OR6N1: variants seen among roughly 807,000 people sequenced by gnomAD.
The protein encoded by OR6N1 is olfactory receptor 6N1.
For synonymous variants in OR6N1, 170 were observed against 150.7 expected (o/e 1.13, Z -0.94); for missense variants, 394 against 371.7 (o/e 1.06, Z -0.49).
chr1:158,788,018 A>G, the OR6N1 span, among the ~76,000 whole-genome samples: 8 of 152,336 alleles, frequency 5.3e-5, no homozygotes, highest in African/African-American at 1.9e-4. Context: ...GGAAATGCTA[A>G]GCCTCCTTTT....
upstream of OR6N1, chr1:158,774,077 G>A (rs1459877975): frequency 6.6e-6 from 1 of 152,136 alleles, no homozygotes; most frequent in Non-Finnish European, 1.5e-5. Flanking sequence ...ACTTCAGCAC[G>A]TAACTGCCTG....
the OR6N1 span, among the ~76,000 whole-genome samples, chr1:158,795,174 G>A: frequency 2.6e-5 from 4 of 152,158 alleles, no homozygotes; most frequent in South Asian, 2.1e-4. Flanking sequence ...AAACAGGCAG[G>A]GGGGTGTAGT....
At chr1:158,819,806 A>C in the OR6N1 span, among the ~76,000 whole-genome samples, 1 of 152,328 alleles carries the variant, frequency 6.6e-6, no homozygotes, top group East Asian at 1.9e-4. Context: ...ACTAAAAGAC[A>C]AAACCACAAG....
the OR6N1 span, among the ~76,000 whole-genome samples, chr1:158,816,163 A>G: frequency 6.6e-6 from 1 of 151,908 alleles, no homozygotes; most frequent in Admixed American, 6.6e-5. Flanking sequence ...ATCTCAAAAA[A>G]AAAAAAAAAG....
chr1:158,794,945 G>A, the OR6N1 span, among the ~76,000 whole-genome samples: 1 of 152,146 alleles, frequency 6.6e-6, no homozygotes, highest in African/African-American at 2.4e-5. Flanking sequence ...ATTGGTGGGT[G>A]TCCCAAAGCT....
At chr1:158,832,336 T>C in the OR6N1 span, among the ~76,000 whole-genome samples, 1 of 151,876 alleles carries the variant, frequency 6.6e-6, no homozygotes, top group Admixed American at 6.5e-5. Flanking sequence ...TAAGATAAAG[T>C]TTCTTAAGTA....
the OR6N1 span, chr1:158,777,693 C>A: frequency 2.7e-6 from 3 of 1,130,732 alleles, no homozygotes; most frequent in Non-Finnish European, 3.8e-6. Flanking sequence ...ACTGCTGAAT[C>A]CATGCCAAAA....
chr1:158,783,920 C>A, the OR6N1 span, among the ~76,000 whole-genome samples: 2 of 152,240 alleles, frequency 1.3e-5, no homozygotes, highest in Middle Eastern at 3.4e-3. Flanking sequence ...TCCTGGCTAA[C>A]AAGGTGAAAA....
At chr1:158,767,328 T>A (rs1425799383) in intron 1 of OR6N1, among the ~76,000 whole-genome samples, 1 of 151,958 alleles carries the variant, frequency 6.6e-6, no homozygotes, top group African/African-American at 2.4e-5. Flanking sequence ...AAGGTTAGAG[T>A]AAATAAAAAA....
the OR6N1 span, among the ~76,000 whole-genome samples, chr1:158,781,584 C>T: frequency 6.6e-6 from 1 of 152,242 alleles, no homozygotes; most frequent in African/African-American, 2.4e-5. Context: ...CATGCACTCT[C>T]ACATTTCTTG....
chr1:158,821,956 G>T, the OR6N1 span, among the ~76,000 whole-genome samples: 2 of 152,102 alleles, frequency 1.3e-5, no homozygotes, highest in Non-Finnish European at 2.9e-5. Context: ...TCAGCATTTT[G>T]GATTTTAGCT....
At position 158,768,622 on chromosome 1, in the gene OR6N1, C is replaced by T. The variant is rs857830; in HGVS notation, c.-18-1922G>A. On this transcript the variant is annotated intron_variant, in intron 1 of 1. Transcript: ENST00000641846. Reference sequence around the variant, plus strand: ...CTGTTAAATTCTAAATTAGGTTCTGCGTTTCCATCGATCAAATGTGTTCAG... The same window carrying T: ...CTGTTAAATTCTAAATTAGGTTCTGTGTTTCCATCGATCAAATGTGTTCAG... Among the ~76,000 whole-genome samples the T allele has an allele frequency of 7.2e-3, 1,102 of 152,334 alleles. 8 individuals carry two copies. The highest frequency in any genetic ancestry group is 0.01 in the South Asian group (50 of 4,828).
At chr1:158,770,817 C>T (rs1407730110) in intron 1 of OR6N1, among the ~76,000 whole-genome samples, 1 of 152,206 alleles carries the variant, frequency 6.6e-6, no homozygotes. Flanking sequence ...GGCATCAACC[C>T]TCTGCCTGGA....
chr1:158,820,769 A>G, the OR6N1 span, among the ~76,000 whole-genome samples: 1 of 152,188 alleles, frequency 6.6e-6, no homozygotes, highest in African/African-American at 2.4e-5. Flanking sequence ...ACTTCCCTAG[A>G]GTCAATTCTC....
At chr1:158,802,774 G>C in the OR6N1 span, among the ~76,000 whole-genome samples, 239 of 152,212 alleles carry the variant, frequency 1.6e-3, 1 homozygote, top group Middle Eastern at 6.8e-3. Context: ...TCCATCACCA[G>C]TATTATTACC....
At chr1:158,819,746 C>T in the OR6N1 span, among the ~76,000 whole-genome samples, 6 of 152,192 alleles carry the variant, frequency 3.9e-5, no homozygotes, top group African/African-American at 1.2e-4. Context: ...TATCTGCACA[C>T]CCATCCACAT....
At chr1:158,772,933 T>G (rs2102011522), upstream of OR6N1, among the ~76,000 whole-genome samples, 1 of 152,320 alleles carries the variant, frequency 6.6e-6, no homozygotes, top group Non-Finnish European at 1.5e-5. Context: ...TGCATACATG[T>G]ATCAAAACAT....
the OR6N1 span, chr1:158,777,347 A>G: frequency 2.2e-5 from 36 of 1,614,238 alleles, no homozygotes; most frequent in African/African-American, 3.7e-4. Flanking sequence ...TGAAGGAGGC[A>G]TCCTGCAAAA....
the OR6N1 span, among the ~76,000 whole-genome samples, chr1:158,813,666 T>C: frequency 6.6e-6 from 1 of 151,670 alleles, no homozygotes; most frequent in Admixed American, 6.6e-5. Flanking sequence ...TTATGGATTA[T>C]TTTGATTTTT....
Sources: gnomAD v4.1 joint callset for allele counts (sites outside exome capture counted in the v4.1 genomes callset) on GRCh38, gnomAD v4.1.1 for gene constraint, MANE v1.5 for transcripts, NCBI Gene and HGNC (gene_info 2026-07-23, HGNC 2026-07-21) for gene names.